PDXDC1: variants seen among roughly 807,000 people sequenced by gnomAD.
The protein encoded by PDXDC1 is pyridoxal dependent decarboxylase domain containing 1.
A neutral mutation model predicts 100.1 loss-of-function variants in PDXDC1; 42 were observed. The ratio of observed to expected loss-of-function variants is 0.42; its 90% CI spans 0.33 to 0.54. The LOEUF is 0.54. PDXDC1 is among the 20% of genes least tolerant of loss of function. The probability of loss-of-function intolerance (pLI) is 0.10; values close to 1 mark genes in which losing one functional copy is unlikely to be tolerated. For missense variants in PDXDC1, 636 were observed against 979.2 expected (o/e 0.65, Z 4.68); for synonymous variants, 260 against 371.7 (o/e 0.70, Z 3.46).
At chr16:15,066,263 C>T (rs1405078691) in intron 16 of PDXDC1, among the ~76,000 whole-genome samples, 2 of 152,148 alleles carry the variant, frequency 1.3e-5, no homozygotes, top group South Asian at 2.1e-4. Context: ...CCTACAACCC[C>T]GCAGCTGACC....
At chr16:15,136,321 C>A (rs1240172589) in intron 16 of PDXDC1, among the ~76,000 whole-genome samples, 2 of 152,168 alleles carry the variant, frequency 1.3e-5, no homozygotes, top group Non-Finnish European at 2.9e-5. Context: ...TGGGCACCGG[C>A]AGGGATCCCC....
chr16:15,092,611 A>T (rs771198763), intron 16 of PDXDC1: 2 of 1,582,872 alleles, frequency 1.3e-6, no homozygotes, highest in Non-Finnish European at 1.7e-6. Flanking sequence ...GCATATTTGA[A>T]ATCCTGTGGA....
chr16:15,146,789 T>G, the PDXDC1 span, among the ~76,000 whole-genome samples: 15 of 151,918 alleles, frequency 9.9e-5, no homozygotes, highest in Non-Finnish European at 1.9e-4. Context: ...CCGGAACCCC[T>G]GAGGGAACCG....
intron 16 of PDXDC1, among the ~76,000 whole-genome samples, chr16:15,099,866 C>G (rs2151845131): frequency 6.6e-6 from 1 of 152,316 alleles, no homozygotes; most frequent in Admixed American, 6.5e-5. Flanking sequence ...AGCAGCCTTT[C>G]CTTAGAGATA....
intron 8 of PDXDC1, among the ~76,000 whole-genome samples, chr16:15,013,908 A>G (rs1401795874): frequency 6.6e-6 from 1 of 151,530 alleles, no homozygotes; most frequent in African/African-American, 2.4e-5. Flanking sequence ...TCATACTACA[A>G]TAAAACTGCT....
intron 1 of PDXDC1, among the ~76,000 whole-genome samples, chr16:14,983,881 G>T (rs1968602438): frequency 6.6e-6 from 1 of 152,250 alleles, no homozygotes; most frequent in Non-Finnish European, 1.5e-5. Flanking sequence ...ACAAAGCATT[G>T]ACCTGGTGCA....
At chr16:15,000,101 C>G (rs1178266302) in intron 3 of PDXDC1, among the ~76,000 whole-genome samples, 1 of 152,252 alleles carries the variant, frequency 6.6e-6, no homozygotes, top group African/African-American at 2.4e-5. Context: ...GGAGGCAGGC[C>G]CTATAAAATC....
chr16:15,147,189 C>T, the PDXDC1 span, among the ~76,000 whole-genome samples: 2 of 151,362 alleles, frequency 1.3e-5, no homozygotes, highest in African/African-American at 4.9e-5. Flanking sequence ...GCTGGCAGCA[C>T]CCAAGCAGCT....
At chr16:15,098,673 G>A (rs1354283661) in intron 16 of PDXDC1, among the ~76,000 whole-genome samples, 3 of 151,912 alleles carry the variant, frequency 2.0e-5, no homozygotes, top group African/African-American at 7.2e-5. Context: ...GAGGTCGGGA[G>A]TTCGAGACCA....
At chr16:14,983,527 C>T (rs192239376) in intron 1 of PDXDC1, among the ~76,000 whole-genome samples, 1 of 123,292 alleles carries the variant, frequency 8.1e-6, no homozygotes, top group East Asian at 2.8e-4. Flanking sequence ...GAGCCGAGAT[C>T]ATGCCACTGT....
At chr16:15,054,535 C>T (rs1472609923) in intron 16 of PDXDC1, among the ~76,000 whole-genome samples, 2 of 152,160 alleles carry the variant, frequency 1.3e-5, no homozygotes, top group Non-Finnish European at 2.9e-5. Flanking sequence ...AGTAACACAA[C>T]GCAAGGATAA....
Position 14,993,467 on chromosome 16 carries a change from T to A in PDXDC1, c.22-4286T>A, listed in dbSNP as rs1164157335. Among the ~76,000 whole-genome samples the A allele has an allele frequency of 1.0e-4, 16 of 152,394 alleles. No individual in the cohort carries two copies. The South Asian group carries it at 3.3e-3, about 32-fold the overall frequency. ...TTCATCCATGTCCCTACAAAGGACATGAACTCACCATTTTTTATGGCTGCA... is the reference window on the plus strand; with the variant it reads ...TTCATCCATGTCCCTACAAAGGACAAGAACTCACCATTTTTTATGGCTGCA... On this transcript the variant is annotated intron_variant, in intron 1 of 22. Coordinates refer to ENST00000396410, the MANE Select transcript of PDXDC1 (RefSeq NM_015027.4).
chr16:15,044,167 G>A (rs889362007), intron 16 of PDXDC1, among the ~76,000 whole-genome samples: 4 of 152,084 alleles, frequency 2.6e-5, no homozygotes, highest in African/African-American at 9.7e-5. Flanking sequence ...TGAGCTCCAC[G>A]CATTCAGTCT....
At chr16:15,128,252 C>G in intron 16 of PDXDC1, 1 of 1,611,260 alleles carries the variant, frequency 6.2e-7, no homozygotes, top group Non-Finnish European at 8.5e-7. Flanking sequence ...ATCTTCCACA[C>G]GCTACCCAGG....
In PDXDC1 at chr16:14,984,497, T is replaced by TATATATATATATATATA. The variant is rs1221650484; in HGVS notation, c.21+9277_21+9278insATATATATATATATATA. Reference sequence around the variant, plus strand: ...TATACATATATATATATATATATATTTTTTTTTTTTTTTTTTCTGAGACGG... The same window carrying TATATATATATATATATA: ...TATACATATATATATATATATATATTATATATATATATATATATTTTTTTTTTTTTTTTCTGAGACGG... On this transcript the variant is annotated intron_variant, in intron 1 of 22. Transcript: ENST00000396410. 3.8e-4 allele frequency among the ~76,000 whole-genome samples: 14 copies of TATATATATATATATATA among 36,952 alleles called. No homozygotes were observed. In the East Asian group the frequency reaches 6.6e-3, roughly 17 times the overall value. 24.2% of individuals were successfully genotyped at this position (36,952 alleles called of 152,430 possible). A position where few individuals can be genotyped will look rare whatever the true frequency, so the allele number is the denominator to read the frequency against.
intron 16 of PDXDC1, among the ~76,000 whole-genome samples, chr16:15,096,352 G>A (rs1421312829): frequency 2.0e-5 from 3 of 151,982 alleles, no homozygotes; most frequent in African/African-American, 7.2e-5. Context: ...CAAGTGATCC[G>A]CCCGCCTTGG....
intron 16 of PDXDC1, chr16:15,135,805 A>G (rs2905113): frequency 0.59 from 832,772 of 1,417,354 alleles, 266,854 homozygotes; most frequent in Non-Finnish European, 0.65. Context: ...CCAGGCGCTC[A>G]GGGGCCACCG....
chr16:15,063,115 C>T (rs1370812738), intron 16 of PDXDC1: 27 of 1,091,922 alleles, frequency 2.5e-5, no homozygotes, highest in South Asian at 2.4e-4. Context: ...CACGCACGAA[C>T]GACTTGCCAC....
chr16:15,071,859 C>T (rs1427297900), intron 16 of PDXDC1, among the ~76,000 whole-genome samples: 4 of 152,108 alleles, frequency 2.6e-5, no homozygotes, highest in South Asian at 2.1e-4. Flanking sequence ...CCACATATTA[C>T]AAAAACTCTT....
Sources: allele counts gnomAD v4.1 joint callset (sites outside exome capture counted in the v4.1 genomes callset), GRCh38; gene constraint gnomAD v4.1.1; transcripts MANE v1.5; gene names NCBI Gene and HGNC (gene_info 2026-07-23, HGNC 2026-07-21).